CD9: variants seen among roughly 807,000 people sequenced by gnomAD.
The protein encoded by CD9 is CD9 molecule.
CD9 carries 10 observed loss-of-function variants against 31.4 expected under a neutral mutation model. The observed-to-expected ratio is 0.32, with a 90% CI of 0.20 to 0.54. The LOEUF (loss-of-function observed/expected upper bound fraction) is 0.54, where lower values mean the gene tolerates loss of function less well. CD9 is among the 20% of genes least tolerant of loss of function. CD9 has a pLI of 0.94. For synonymous variants in CD9, 113 were observed against 114.1 expected (o/e 0.99, Z 0.06); for missense variants, 259 against 300.1 (o/e 0.86, Z 1.01).
rs1946473974 is a variant in CD9, at chr12:6,233,224, C to T, written c.274-188C>T. The T allele has an allele frequency of 2.0e-5, 13 of 636,702 alleles. No individual in the cohort carries two copies. In the South Asian group the frequency reaches 2.1e-4, roughly 10 times the overall value. 39.4% of individuals were successfully genotyped at this position (636,702 alleles called of 1,614,324 possible). On this transcript the variant is annotated intron_variant, in intron 3 of 7. Transcript: ENST00000009180. ...GTCCGGGCACCTTGCCTCACTGTGGCCTCTGTCCTGGGCTTGGTTAACTGC... is the reference window on the plus strand; with the variant it reads ...GTCCGGGCACCTTGCCTCACTGTGGTCTCTGTCCTGGGCTTGGTTAACTGC...
chr12:6,235,750 A>C, intron 6 of CD9, 185 bp downstream of exon 6: 1 of 1,407,120 alleles, frequency 7.1e-7, no homozygotes. Flanking sequence ...CAATAAAACA[A>C]AGGCCGGACC....
chr12:6,203,341 G>A lies in CD9; in HGVS notation c.66+2776G>A, dbSNP rs180942311. Among the ~76,000 whole-genome samples, 16 of 152,324 alleles carry A rather than the reference G, an allele frequency of 1.1e-4. No individual in the cohort carries two copies. In the East Asian group the frequency reaches 3.1e-3, roughly 29 times the overall value. On this transcript the variant is annotated intron_variant, in intron 1 of 7. Transcript: ENST00000009180. ...CTAAGGGAACTGCTTGGGTGATTAT[G>A]TTGTCACCACGTCCGTTTCTCTCTT...
chr12:6,225,823 T>C, intron 2 of CD9: 1 of 407,962 alleles, frequency 2.5e-6, no homozygotes. Context: ...CTTGAGGGTT[T>C]ACGAACCTCT....
intron 4 of CD9, 47 bp downstream of exon 4, chr12:6,233,533 G>A (rs1946478312): frequency 1.4e-6 from 2 of 1,444,478 alleles, no homozygotes; most frequent in Non-Finnish European, 2.0e-6. Flanking sequence ...TTGGGGGATG[G>A]GGGACAGTGA....
chr12:6,206,806 C>T (rs1055508669), intron 1 of CD9, among the ~76,000 whole-genome samples: 2 of 152,052 alleles, frequency 1.3e-5, no homozygotes, highest in Admixed American at 6.6e-5. Flanking sequence ...TACATCTTAA[C>T]GTTTTTAGGG....
intron 1 of CD9, among the ~76,000 whole-genome samples, chr12:6,220,025 A>G (rs532343026): frequency 6.6e-6 from 1 of 152,348 alleles, no homozygotes; most frequent in Admixed American, 6.5e-5. Context: ...CTGGACCTCA[A>G]GGAGCTTGTG....
At chr12:6,234,820 T>A (rs543483276) in intron 4 of CD9, among the ~76,000 whole-genome samples, 41 of 152,230 alleles carry the variant, frequency 2.7e-4, no homozygotes, top group Admixed American at 4.6e-4. Flanking sequence ...ACAGAGAGGC[T>A]TAGTAATTTG....
At chr12:6,208,480 C>T (rs554761168) in intron 1 of CD9, among the ~76,000 whole-genome samples, 1 of 152,276 alleles carries the variant, frequency 6.6e-6, no homozygotes, top group Admixed American at 6.5e-5. Flanking sequence ...GCTAAAAATA[C>T]CATAAAGTTA....
At chr12:6,233,348 C>T (rs1946475745) in intron 3 of CD9, 64 bp from the exon 4 acceptor site, 1 of 1,215,044 alleles carries the variant, frequency 8.2e-7, no homozygotes, top group Non-Finnish European at 1.2e-6. Context: ...TCCCAAAATA[C>T]CCTTTGATTT....
intron 1 of CD9, among the ~76,000 whole-genome samples, chr12:6,221,797 G>A (rs1302721598): frequency 1.4e-5 from 2 of 138,346 alleles, no homozygotes; most frequent in Non-Finnish European, 1.5e-5. Flanking sequence ...GCAACATAGC[G>A]AGACCCCTGG....
At chr12:6,207,999 C>T (rs929794639) in intron 1 of CD9, among the ~76,000 whole-genome samples, 10 of 152,040 alleles carry the variant, frequency 6.6e-5, no homozygotes, top group Non-Finnish European at 1.0e-4. Flanking sequence ...CCGAGACAGG[C>T]GGATCACCTG....
At chr12:6,200,902 C>T (rs531490809) in intron 1 of CD9, 13 of 240,640 alleles carry the variant, frequency 5.4e-5, no homozygotes, top group Non-Finnish European at 1.0e-4. Flanking sequence ...GCTCAAGTCC[C>T]TCCGAGTGCC....
chr12:6,212,877 G>A (rs1208046575), intron 1 of CD9, among the ~76,000 whole-genome samples: 5 of 152,090 alleles, frequency 3.3e-5, no homozygotes, highest in Non-Finnish European at 5.9e-5. Flanking sequence ...TGCCCTTATG[G>A]TATAAAAGAG....
At chr12:6,200,274 CGGTGGGGCG>C, upstream of CD9, 1 of 109,466 alleles carries the variant, frequency 9.1e-6, no homozygotes, top group Non-Finnish European at 1.4e-5. Context: ...CGGGCGGGGC[CGGTGGGGCG>C]GGAGGCGTGG....
intron 1 of CD9, among the ~76,000 whole-genome samples, chr12:6,210,225 C>T (rs940314833): frequency 6.6e-5 from 10 of 152,106 alleles, no homozygotes; most frequent in Non-Finnish European, 1.2e-4. Context: ...GCTGTTTTCA[C>T]GGGGGATGGA....
intron 1 of CD9, among the ~76,000 whole-genome samples, chr12:6,221,722 T>C (rs1037365448): frequency 8.9e-5 from 13 of 145,924 alleles, no homozygotes; most frequent in African/African-American, 3.1e-4. Context: ...ACACCTGTAA[T>C]CCAAGTGCTT....
chr12:6,216,784 C>G (rs1946247345), intron 1 of CD9, among the ~76,000 whole-genome samples: 3 of 152,194 alleles, frequency 2.0e-5, no homozygotes, highest in Non-Finnish European at 4.4e-5. Flanking sequence ...CCTAAATTCC[C>G]CCGCTGCCAC....
chr12:6,210,835 CTTTT>C (rs143561091), intron 1 of CD9, among the ~76,000 whole-genome samples: 4 of 130,886 alleles, frequency 3.1e-5, no homozygotes, highest in Non-Finnish European at 3.2e-5. Flanking sequence ...AGTTGAGCAA[CTTTT>C]TTTTTTTTTT....
In CD9 at chr12:6,237,767, T is replaced by C. The variant is rs1431388758; in HGVS notation, c.626T>C (p.Phe209Ser). Residue 209 changes from phenylalanine (F) to serine (S), a missense_variant, in exon 8 of 8, where the codon TTT (phenylalanine) becomes TCT (serine). By Grantham distance (155) the Phe-to-Ser change is radical (BLOSUM62 -2). Transcript: ENST00000009180. ...VGIGIAVVMIFGMIFSMILCC... is the reference protein window; with the variant it reads ...VGIGIAVVMISGMIFSMILCC... ...ATGTTTCTTCCTATCTCCTAGATAT[T>C]TGGCATGATCTTCAGTATGATCTTG... 2 of 1,612,124 alleles carry C rather than the reference T, an allele frequency of 1.2e-6. No individual in the cohort carries two copies.
Sources: allele counts gnomAD v4.1 joint callset (sites outside exome capture counted in the v4.1 genomes callset), GRCh38; gene constraint gnomAD v4.1.1; transcripts MANE v1.5; gene names NCBI Gene and HGNC (gene_info 2026-07-23, HGNC 2026-07-21).